The following GET1 variants were observed in gnomAD, a reference collection of about 807,000 sequenced individuals.
GET1 encodes guided entry of tail-anchored proteins factor 1, also known as congenital heart disease 5 protein.
GET1 carries 20 observed loss-of-function variants against 22.6 expected under a neutral mutation model. The observed-to-expected ratio is 0.89, with a 90% confidence interval of 0.62 to 1.29. The LOEUF is 1.29. Ranked by LOEUF, GET1 falls within the 50% of genes most tolerant of loss-of-function variation. The pLI is 0.00. For synonymous variants in GET1, 92 were observed against 83.8 expected (o/e 1.10, Z -0.53); for missense variants, 209 against 219.9 (o/e 0.95, Z 0.31).
rs367971373 is a variant in GET1 at position 39,420,761 on chromosome 21, T to A, written c.*24-7471T>A. The A allele has an allele frequency of 2.2e-5, 35 of 1,613,746 alleles. No homozygotes were observed. The East Asian group carries it at 6.9e-4, about 32-fold the overall frequency. Reference sequence around the variant, plus strand: ...CACCTGCAGAGTCTTGGTAGCTGTCTGAGCTGCTAAAGTCTTCCGAGTCTC... The same window carrying A: ...CACCTGCAGAGTCTTGGTAGCTGTCAGAGCTGCTAAAGTCTTCCGAGTCTC... On this transcript the variant is annotated intron_variant, in intron 1 of 1. Transcript: ENST00000478273.
At chr21:39,407,497 A>G (rs2039283816), downstream of GET1, among the ~76,000 whole-genome samples, 2 of 152,210 alleles carry the variant, frequency 1.3e-5, no homozygotes, top group African/African-American at 2.4e-5. Flanking sequence ...GGATAAGTGC[A>G]ACGATGTTCA....
downstream of GET1, chr21:39,407,951 A>G (rs546462805): frequency 1.3e-5 from 2 of 152,358 alleles, no homozygotes; most frequent in East Asian, 3.9e-4. Context: ...TTATTTAAAC[A>G]TTATTTGGCC....
At chr21:39,395,849 C>G (rs1431256429) in intron 4 of GET1, among the ~76,000 whole-genome samples, 1 of 152,226 alleles carries the variant, frequency 6.6e-6, no homozygotes, top group African/African-American at 2.4e-5. Context: ...TGCAGCCTGT[C>G]TTCCTGGACA....
intron 1 of GET1, among the ~76,000 whole-genome samples, chr21:39,382,731 CTT>C (rs1038415914): frequency 1.3e-5 from 2 of 152,152 alleles, no homozygotes; most frequent in Admixed American, 1.3e-4. Context: ...ACAAATATCT[CTT>C]TGAGTCTCTG....
chr21:39,401,630 C>T (rs867271806), downstream of GET1, among the ~76,000 whole-genome samples: 5 of 151,978 alleles, frequency 3.3e-5, no homozygotes, highest in Non-Finnish European at 5.9e-5. Flanking sequence ...TGTTTTTTTG[C>T]GCTTCACTTT....
intron 1 of GET1, chr21:39,387,969 C>A: frequency 1.7e-6 from 1 of 599,060 alleles, no homozygotes; most frequent in Non-Finnish European, 2.1e-6. Context: ...GAAACAAACA[C>A]AAATGTGCAG....
At chr21:39,396,403 C>G (rs1458649274) in intron 4 of GET1, among the ~76,000 whole-genome samples, 1 of 152,140 alleles carries the variant, frequency 6.6e-6, no homozygotes, top group African/African-American at 2.4e-5. Flanking sequence ...TGGCGGGCGC[C>G]TGTAGTCCCA....
Position 39,405,950 on chromosome 21 carries a change from TAG to T in GET1, c.389_390del (p.Glu130ValfsTer26). ...TTAATAGAATTTACCACAGTTACTT[TAG>T]AGTCTCCGAAAGCATGGCTGGTGGA... is the stretch of plus-strand genomic sequence containing the variant. On this transcript the variant is annotated frameshift_variant, in exon 5 of 5. Coordinates refer to the GET1 transcript ENST00000415847. LOFTEE classifies it high-confidence loss of function. 6.2e-7 allele frequency: 1 copy of T among 1,613,904 alleles called. No homozygotes were observed. Among genetic ancestry groups the T allele is most frequent in the Non-Finnish European group, 8.5e-7 (1 of 1,179,748 alleles).
chr21:39,399,980 C>T (rs1371713673), downstream of GET1, among the ~76,000 whole-genome samples: 5 of 150,698 alleles, frequency 3.3e-5, no homozygotes, highest in Admixed American at 2.6e-4. Flanking sequence ...AACTCTTGGG[C>T]TCAAGTGCTG....
intron 2 of GET1, chr21:39,391,379 A>G: frequency 3.8e-6 from 1 of 265,338 alleles, no homozygotes; most frequent in South Asian, 3.9e-5. Context: ...AGGAAAACAG[A>G]CAGAGGGGCC....
intron 4 of GET1, among the ~76,000 whole-genome samples, chr21:39,403,804 TA>T (rs2038909231): frequency 6.6e-6 from 1 of 151,824 alleles, no homozygotes; most frequent in Non-Finnish European, 1.5e-5. Flanking sequence ...GTATTTTTAG[TA>T]GAGACGGGGT....
chr21:39,428,520 A>G (rs1190557840), exon 2 of GET1: 1 of 1,350,312 alleles, frequency 7.4e-7, no homozygotes, highest in Admixed American at 2.7e-5. Flanking sequence ...AAAGAAAAGT[A>G]AAACCTAATA....
intron 1 of GET1, chr21:39,387,988 T>C (rs1032320144): frequency 4.6e-6 from 2 of 435,458 alleles, no homozygotes; most frequent in South Asian, 1.9e-4. Context: ...AGAAAAGTTA[T>C]ATACAGTCAA....
chr21:39,409,276 C>T (rs1180921097), downstream of GET1, among the ~76,000 whole-genome samples: 1 of 152,112 alleles, frequency 6.6e-6, no homozygotes, highest in Non-Finnish European at 1.5e-5. The surrounding 1 kb of genome is among the most constrained non-coding windows in gnomAD (Gnocchi z 4.2). Flanking sequence ...ATGCCTAGAA[C>T]CTTGATCTCG....
At chr21:39,414,489 T>A (rs2837015) in intron 1 of GET1, among the ~76,000 whole-genome samples, 34,937 of 152,034 alleles carry the variant, frequency 0.23, 4,354 homozygotes, top group African/African-American at 0.32. Context: ...AAGCTCAAAC[T>A]ATGACTTTCG....
chr21:39,404,448 A>G (rs1257454411), intron 4 of GET1, among the ~76,000 whole-genome samples: 1 of 152,232 alleles, frequency 6.6e-6, no homozygotes, highest in South Asian at 2.1e-4. Flanking sequence ...GAGAAACTCA[A>G]AAATGATTTT....
rs2039028868 is a variant in GET1, at chr21:39,406,033, C to A, written c.*49C>A. ...CTTACTTTGCAAAGGCTCCTCTGAG[C>A]CTTTTGCAACACCAGGACTTGATTG... On this transcript the variant is annotated 3_prime_UTR_variant, in exon 5 of 5. Transcript: ENST00000415847. The A allele has an allele frequency of 2.5e-6, 4 of 1,614,088 alleles. No individual in the cohort carries two copies. The South Asian group carries it at 3.3e-5, about 13-fold the overall frequency.
At chr21:39,423,907 C>T (rs990068553) in intron 1 of GET1, among the ~76,000 whole-genome samples, 5 of 152,186 alleles carry the variant, frequency 3.3e-5, no homozygotes, top group Non-Finnish European at 5.9e-5. Flanking sequence ...GTAATCTCTA[C>T]ACTTTGGGAG....
At chr21:39,411,683 A>C (rs1278844750) in intron 1 of GET1, 3 of 1,150,534 alleles carry the variant, frequency 2.6e-6, no homozygotes, top group South Asian at 1.6e-5. Context: ...TAGATACTTA[A>C]AAATAGATTT....
Sources: allele counts gnomAD v4.1 joint callset (sites outside exome capture counted in the v4.1 genomes callset), GRCh38; gene constraint gnomAD v4.1.1; non-coding constraint Gnocchi (gnomAD v3.1); transcripts MANE v1.5; gene names NCBI Gene and HGNC (gene_info 2026-07-23, HGNC 2026-07-21).